PIP4K2A: variants seen among roughly 807,000 people sequenced by gnomAD.
PIP4K2A encodes phosphatidylinositol 5-phosphate 4-kinase type-2 alpha.
A neutral mutation model predicts 42.9 loss-of-function variants in PIP4K2A; 14 were observed. That is an observed-to-expected ratio of 0.33 (90% CI 0.22 to 0.51). PIP4K2A has a LOEUF of 0.51. PIP4K2A is among the 20% of genes least tolerant of loss of function. The probability of loss-of-function intolerance (pLI) is 0.97; values close to 1 mark genes in which losing one functional copy is unlikely to be tolerated. For missense variants in PIP4K2A, 434 were observed against 519.8 expected (o/e 0.83, Z 1.61); for synonymous variants, 192 against 192.2 (o/e 1.00, Z 0.01).
intron 3 of PIP4K2A, among the ~76,000 whole-genome samples, chr10:22,602,248 C>G (rs1837798989): frequency 6.6e-6 from 1 of 151,548 alleles, no homozygotes; most frequent in South Asian, 2.1e-4. Flanking sequence ...CAAAACTTAG[C>G]TGGGCATAGT....
chr10:22,708,277 C>T (rs772139847), intron 1 of PIP4K2A, among the ~76,000 whole-genome samples: 2 of 152,220 alleles, frequency 1.3e-5, no homozygotes, highest in Admixed American at 6.5e-5. Context: ...CACTTGGGAA[C>T]ATCTAATTGT....
At chr10:22,607,698 G>T in intron 3 of PIP4K2A, 1 of 303,836 alleles carries the variant, frequency 3.3e-6, no homozygotes. Flanking sequence ...TCCTTCCAAA[G>T]AAAAGTAATA....
At chr10:22,620,677 C>T (rs1174090060) in intron 1 of PIP4K2A, among the ~76,000 whole-genome samples, 3 of 152,230 alleles carry the variant, frequency 2.0e-5, no homozygotes, top group East Asian at 3.9e-4. Context: ...CCCGGCATCA[C>T]TCATCTGGTG....
intron 1 of PIP4K2A, among the ~76,000 whole-genome samples, chr10:22,620,959 C>A (rs1390877620): frequency 2.0e-5 from 3 of 152,226 alleles, no homozygotes; most frequent in Admixed American, 6.5e-5. Flanking sequence ...AAAGCCACAG[C>A]TCCAATATTC....
intron 1 of PIP4K2A, among the ~76,000 whole-genome samples, chr10:22,702,729 T>G (rs1833737617): frequency 6.6e-6 from 1 of 152,138 alleles, no homozygotes; most frequent in Non-Finnish European, 1.5e-5. Context: ...AAGTCAACTT[T>G]CTATGTTTAT....
chr10:22,701,992 T>G (rs1833723692), intron 1 of PIP4K2A, among the ~76,000 whole-genome samples: 2 of 152,240 alleles, frequency 1.3e-5, no homozygotes, highest in South Asian at 4.1e-4. Context: ...CCCCAGGGAC[T>G]GCAGCCCAAT....
rs186810454 is a variant in PIP4K2A, at chr10:22,573,498, A to T, written c.493-41T>A. The T allele has an allele frequency of 8.4e-5, 132 of 1,565,290 alleles. No individual in the cohort carries two copies. In the East Asian group the frequency reaches 2.0e-3, roughly 23 times the overall value. On this transcript the variant is annotated intron_variant, in intron 4 of 9. Transcript: ENST00000376573. ...AGAAAAAGGAAAAAAACATCCAATC[A>T]AAAGATTGCTTCCTTAGATGTAAAA...
intron 1 of PIP4K2A, among the ~76,000 whole-genome samples, chr10:22,690,851 T>C (rs1177209302): frequency 2.0e-5 from 3 of 152,212 alleles, no homozygotes; most frequent in East Asian, 3.8e-4. Flanking sequence ...AAAATCACCA[T>C]ATGTATTTCC....
intron 6 of PIP4K2A, among the ~76,000 whole-genome samples, chr10:22,561,761 C>T (rs1012832781): frequency 2.6e-5 from 4 of 151,478 alleles, no homozygotes; most frequent in Admixed American, 1.3e-4. Context: ...TTGGGGGTCT[C>T]GCTATGTTTC....
chr10:22,707,308 A>G (rs1833839987), intron 1 of PIP4K2A, among the ~76,000 whole-genome samples: 1 of 152,254 alleles, frequency 6.6e-6, no homozygotes, highest in Admixed American at 6.5e-5. Flanking sequence ...CACATAGCCA[A>G]CCGAACAAGG....
chr10:22,545,516 T>G (rs936566547), intron 7 of PIP4K2A, among the ~76,000 whole-genome samples: 1 of 152,192 alleles, frequency 6.6e-6, no homozygotes, highest in African/African-American at 2.4e-5. Context: ...CAGAGTAATT[T>G]TCCTGGGCCT....
At chr10:22,676,066 G>A (rs528539259) in intron 1 of PIP4K2A, among the ~76,000 whole-genome samples, 1 of 151,634 alleles carries the variant, frequency 6.6e-6, no homozygotes, top group East Asian at 1.9e-4. Flanking sequence ...TTTCTTTCCT[G>A]TCTTTTCATC....
intron 3 of PIP4K2A, among the ~76,000 whole-genome samples, chr10:22,598,931 C>T (rs796633550): frequency 5.3e-5 from 8 of 152,102 alleles, no homozygotes; most frequent in African/African-American, 1.7e-4. Context: ...TCTTTCTATA[C>T]ATTTGATAGT....
chr10:22,542,886 C>T (rs532687982), intron 7 of PIP4K2A, among the ~76,000 whole-genome samples: 25 of 152,320 alleles, frequency 1.6e-4, no homozygotes, highest in African/African-American at 5.5e-4. Flanking sequence ...TCCCTGACCC[C>T]GTGGCTGGCT....
Position 22,674,717 on chromosome 10 carries a change from A to G in PIP4K2A, c.144+39466T>C, listed in dbSNP as rs552955828. Among the ~76,000 whole-genome samples, 7 of 152,028 alleles carry G rather than the reference A, an allele frequency of 4.6e-5. No individual in the cohort carries two copies. In the South Asian group the frequency reaches 6.2e-4, roughly 14 times the overall value. ...AGCACTTTGGGAGGCTAAACGTGGG[A>G]GGATGCTTGAGGCCAAGATTTCAGG... On this transcript the variant is annotated intron_variant, in intron 1 of 9. Coordinates refer to ENST00000376573, the MANE Select transcript of PIP4K2A (RefSeq NM_005028.5).
chr10:22,571,584 A>T (rs1836988849), intron 5 of PIP4K2A, among the ~76,000 whole-genome samples: 1 of 152,218 alleles, frequency 6.6e-6, no homozygotes, highest in African/African-American at 2.4e-5. Flanking sequence ...CACACATTCA[A>T]ACAATGCATG....
chr10:22,582,323 T>C (rs547566950), intron 4 of PIP4K2A, among the ~76,000 whole-genome samples: 15 of 152,252 alleles, frequency 9.9e-5, no homozygotes, highest in African/African-American at 3.4e-4. Context: ...TCACCGAGAA[T>C]AATAAGGGTT....
intron 4 of PIP4K2A, among the ~76,000 whole-genome samples, chr10:22,578,706 C>A (rs1018509877): frequency 6.6e-6 from 1 of 152,160 alleles, no homozygotes; most frequent in Non-Finnish European, 1.5e-5. Context: ...AGTCCACAAC[C>A]CTTTCTTTTG....
intron 1 of PIP4K2A, among the ~76,000 whole-genome samples, chr10:22,653,627 T>C (rs966235711): frequency 6.6e-6 from 1 of 152,076 alleles, no homozygotes; most frequent in African/African-American, 2.4e-5. Context: ...TTAGTGGAGA[T>C]TTGGGATCGG....
Sources: allele counts gnomAD v4.1 joint callset (sites outside exome capture counted in the v4.1 genomes callset), GRCh38; gene constraint gnomAD v4.1.1; transcripts MANE v1.5; gene names NCBI Gene and HGNC (gene_info 2026-07-23, HGNC 2026-07-21).